Variants in OSBP2 observed in about 807,000 individuals in gnomAD.
OSBP2 encodes oxysterol binding protein 2.
In OSBP2, 66 loss-of-function variants were observed where a neutral mutation model predicts 96.0. The ratio of observed to expected loss-of-function variants is 0.69; its 90% CI spans 0.56 to 0.84. The LOEUF (loss-of-function observed/expected upper bound fraction) is 0.84, where lower values mean the gene tolerates loss of function less well. Ranked by LOEUF, OSBP2 falls within the 40% of genes least tolerant of loss-of-function variation. The probability of loss-of-function intolerance (pLI) is 0.00; values close to 1 mark genes in which losing one functional copy is unlikely to be tolerated. For synonymous variants in OSBP2, 525 were observed against 520.9 expected, an observed-to-expected ratio of 1.01 and a Z score of -0.11; for missense variants, 1,038 against 1,222.7, an observed-to-expected ratio of 0.85 and a Z score of 2.25.
chr22:30,881,799 C>G lies in OSBP2; in HGVS notation c.1108-5627C>G. On this transcript the variant is annotated intron_variant, in intron 3 of 13. Coordinates refer to ENST00000332585, the MANE Select transcript of OSBP2 (RefSeq NM_030758.4). The surrounding 1 kb of genome is among the most constrained non-coding windows in gnomAD (Gnocchi z 4.5). ...AGACCCTGGGAGTCAGGGATGGACA[C>G]CAGGTGGGTGCATCCGGGCTGGGGG... The G allele has an allele frequency of 7.7e-7, 1 of 1,304,136 alleles. No homozygotes were observed. Among genetic ancestry groups the G allele is most frequent in the Non-Finnish European group, 1.0e-6 (1 of 988,914 alleles). The allele number at this position is 1,304,136 out of a possible 1,614,324, so 80.8% of individuals were successfully genotyped here. A position where few individuals can be genotyped will look rare whatever the true frequency, so the allele number is the denominator to read the frequency against.
At chr22:30,858,308 G>T (rs567188314) in intron 2 of OSBP2, among the ~76,000 whole-genome samples, 1 of 150,658 alleles carries the variant, frequency 6.6e-6, no homozygotes, top group African/African-American at 2.5e-5. Flanking sequence ...CACCGCGCCC[G>T]GCTAATTTTT....
rs2089191887 is a variant in OSBP2, at chr22:30,703,271, T to G, written c.644+7718T>G. Among the ~76,000 whole-genome samples the G allele has an allele frequency of 3.3e-5, 5 of 151,942 alleles. 1 individual carries two copies. The highest frequency in any genetic ancestry group is 3.3e-4 in the Admixed American group (5 of 15,218). ...TCACTGCAACCTCTGCTTCCTGGGT[T>G]CAAGCGATTTTCCTGCCTCAGCCTC... is the stretch of plus-strand genomic sequence containing the variant. On this transcript the variant is annotated intron_variant, in intron 1 of 13. Transcript: ENST00000332585.
chr22:30,831,435 T>G (rs1406589122), intron 2 of OSBP2, among the ~76,000 whole-genome samples: 1 of 152,220 alleles, frequency 6.6e-6, no homozygotes, highest in Non-Finnish European at 1.5e-5. Flanking sequence ...TGGTTTATGT[T>G]GTACGTGGCT....
At chr22:30,787,844 C>T (rs1196486078) in intron 2 of OSBP2, among the ~76,000 whole-genome samples, 1 of 152,078 alleles carries the variant, frequency 6.6e-6, no homozygotes, top group Admixed American at 6.6e-5. Flanking sequence ...TCAAAAGAAC[C>T]TTGGAGGGGT....
chr22:30,852,227 A>G (rs1207085622), intron 2 of OSBP2, among the ~76,000 whole-genome samples: 4 of 152,190 alleles, frequency 2.6e-5, no homozygotes, highest in Non-Finnish European at 4.4e-5. Flanking sequence ...ACTTTGGGTA[A>G]GAAGTGTATT....
intron 2 of OSBP2, among the ~76,000 whole-genome samples, chr22:30,848,000 A>T (rs1189777031): frequency 6.6e-6 from 1 of 152,132 alleles, no homozygotes; most frequent in African/African-American, 2.4e-5. Flanking sequence ...ATACCCTATG[A>T]AAAGTAAATA....
chr22:30,823,058 T>C (rs921829725), intron 2 of OSBP2, among the ~76,000 whole-genome samples: 33 of 152,162 alleles, frequency 2.2e-4, no homozygotes, highest in African/African-American at 7.5e-4. Context: ...TTCCCCAGAG[T>C]CGGCCTGGGG....
At chr22:30,873,489 G>A (rs567164698) in intron 3 of OSBP2, among the ~76,000 whole-genome samples, 23 of 152,280 alleles carry the variant, frequency 1.5e-4, no homozygotes, top group Non-Finnish European at 2.9e-4. Flanking sequence ...TGGAAGCCAC[G>A]CACCGCAGTC....
intron 2 of OSBP2, among the ~76,000 whole-genome samples, chr22:30,835,810 CT>C (rs1217799127): frequency 4.0e-5 from 6 of 151,574 alleles, no homozygotes; most frequent in Admixed American, 1.3e-4. Flanking sequence ...TCGACCTCCC[CT>C]ATCTCAAGTG....
intron 1 of OSBP2, among the ~76,000 whole-genome samples, chr22:30,723,171 A>G (rs193098706): frequency 9.9e-5 from 15 of 152,178 alleles, no homozygotes; most frequent in African/African-American, 3.6e-4. Context: ...CAGTGGCACA[A>G]TCTCAACTCA....
chr22:30,711,854 T>A (rs752360002), intron 1 of OSBP2, among the ~76,000 whole-genome samples: 6 of 152,124 alleles, frequency 3.9e-5, no homozygotes, highest in Non-Finnish European at 8.8e-5. Flanking sequence ...CTGGTCCCCT[T>A]TAGCTGGGGT....
chr22:30,810,824 G>A (rs1220594756), intron 2 of OSBP2, among the ~76,000 whole-genome samples: 3 of 152,034 alleles, frequency 2.0e-5, no homozygotes, highest in African/African-American at 7.2e-5. Context: ...GTGATCTCTG[G>A]GCCCTCCTGC....
At position 30,772,793 on chromosome 22, in the gene OSBP2, ATTT is replaced by A. The variant is rs136323; in HGVS notation, c.853+31439_853+31441del. ...GGGAACGGCTGCTCTTGTTAAACGC[ATTT>A]TTTTTTTTTTTTTTGAGATGGAGTC... is the stretch of plus-strand genomic sequence containing the variant. On this transcript the variant is annotated intron_variant, in intron 2 of 13. Transcript: ENST00000332585. Among the ~76,000 whole-genome samples the A allele has an allele frequency of 4.9e-3, 688 of 139,320 alleles. 5 individuals carry two copies. Among genetic ancestry groups the A allele is most frequent in the South Asian group, 0.018 (80 of 4,390 alleles). The allele number at this position is 139,320 out of a possible 152,430, so 91.4% of individuals were successfully genotyped here.
intron 1 of OSBP2, among the ~76,000 whole-genome samples, chr22:30,707,114 T>C (rs1026709262): frequency 6.6e-6 from 1 of 152,130 alleles, no homozygotes; most frequent in Non-Finnish European, 1.5e-5. Flanking sequence ...GCTTTTTTTT[T>C]TGAGACGGAG....
At chr22:30,833,580 T>C (rs1038426279) in intron 2 of OSBP2, among the ~76,000 whole-genome samples, 1 of 152,162 alleles carries the variant, frequency 6.6e-6, no homozygotes, top group Admixed American at 6.5e-5. Context: ...AGAATTTGCC[T>C]TGTCACACAG....
intron 2 of OSBP2, among the ~76,000 whole-genome samples, chr22:30,834,372 G>A (rs2038590293): frequency 6.6e-6 from 1 of 152,174 alleles, no homozygotes. Flanking sequence ...ACCAAGGAGT[G>A]GGATTGCTAG....
At chr22:30,866,694 G>A (rs369231607) in intron 2 of OSBP2, among the ~76,000 whole-genome samples, 4 of 152,032 alleles carry the variant, frequency 2.6e-5, no homozygotes, top group African/African-American at 4.8e-5. Context: ...CCGAGATTGC[G>A]CCACTGCACT....
At chr22:30,788,574 T>G (rs182084735) in intron 2 of OSBP2, among the ~76,000 whole-genome samples, 2 of 152,308 alleles carry the variant, frequency 1.3e-5, no homozygotes. Context: ...GCTCCCACAA[T>G]TACATGTGTC....
chr22:30,875,647 C>G (rs927906315), intron 3 of OSBP2, among the ~76,000 whole-genome samples: 1 of 152,208 alleles, frequency 6.6e-6, no homozygotes, highest in African/African-American at 2.4e-5. Flanking sequence ...GCTGAGATTA[C>G]AGGAGTGAGC....
Sources: gnomAD v4.1 joint callset for allele counts (sites outside exome capture counted in the v4.1 genomes callset) on GRCh38, gnomAD v4.1.1 for gene constraint, Gnocchi (gnomAD v3.1) non-coding constraint, MANE v1.5 for transcripts, NCBI Gene and HGNC (gene_info 2026-07-23, HGNC 2026-07-21) for gene names.